Variants in DLGAP1 observed in about 807,000 individuals in gnomAD.
The protein encoded by DLGAP1 is DLG associated protein 1.
A neutral mutation model predicts 90.8 loss-of-function variants in DLGAP1; 11 were observed. The ratio of observed to expected loss-of-function variants is 0.12; its 90% CI spans 0.08 to 0.20. The LOEUF is 0.20. DLGAP1 is among the 10% of genes least tolerant of loss of function. The pLI is 1.00. For synonymous variants in DLGAP1, 558 were observed against 540.7 expected (o/e 1.03, Z -0.44); for missense variants, 1,050 against 1,333.8 (o/e 0.79, Z 3.31).
chr18:3,564,642 G>C (rs943840913), intron 9 of DLGAP1, among the ~76,000 whole-genome samples: 2 of 152,154 alleles, frequency 1.3e-5, no homozygotes, highest in Non-Finnish European at 2.9e-5. Flanking sequence ...ACAAAAGTGT[G>C]AGCTCTCCCT....
chr18:4,300,506 TA>T (rs945149441), intron 1 of DLGAP1, among the ~76,000 whole-genome samples: 1 of 152,116 alleles, frequency 6.6e-6, no homozygotes, highest in Non-Finnish European at 1.5e-5. Flanking sequence ...ATTTTACAAT[TA>T]AAAAAACTCT....
chr18:4,038,833 G>A lies in DLGAP1; in HGVS notation c.-158-33632C>T, dbSNP rs577806883. 3.3e-5 allele frequency among the ~76,000 whole-genome samples: 5 copies of A among 152,216 alleles called. No homozygotes were observed. In the East Asian group the frequency reaches 7.7e-4, roughly 24 times the overall value. On this transcript the variant is annotated intron_variant, in intron 2 of 12. Coordinates refer to ENST00000315677, the MANE Select transcript of DLGAP1 (RefSeq NM_004746.4). ...GGAGTTCTGCAGAGTGGCTGTATGC[G>A]TTTCCTCTGGCTGTGGTACTGCAAA...
At chr18:4,282,018 T>C (rs771948725) in intron 1 of DLGAP1, among the ~76,000 whole-genome samples, 1 of 152,222 alleles carries the variant, frequency 6.6e-6, no homozygotes, top group African/African-American at 2.4e-5. Context: ...TAATAATCAA[T>C]GTGATCAATA....
At chr18:3,668,928 G>A (rs2059978571) in intron 7 of DLGAP1, among the ~76,000 whole-genome samples, 2 of 152,092 alleles carry the variant, frequency 1.3e-5, no homozygotes, top group African/African-American at 2.4e-5. Flanking sequence ...AGCTTGCAAT[G>A]AGCCGAGATC....
intron 1 of DLGAP1, among the ~76,000 whole-genome samples, chr18:4,357,157 C>CTTTTTTTTTTTTTTTTTTTTTTTTT (rs554248097): frequency 9.2e-6 from 1 of 108,744 alleles, no homozygotes; most frequent in Non-Finnish European, 1.7e-5. Context: ...TGTTTTTTTC[C>CTTTTTTTTTTTTTTTTTTTTTTTTT]TTTTTTTTTT....
At chr18:3,854,967 G>C (rs2069548321) in intron 4 of DLGAP1, among the ~76,000 whole-genome samples, 1 of 152,154 alleles carries the variant, frequency 6.6e-6, no homozygotes, top group African/African-American at 2.4e-5. Context: ...TGTCAGATGA[G>C]ATGCTCAAAG....
At chr18:4,010,932 T>C (rs376015443) in intron 2 of DLGAP1, among the ~76,000 whole-genome samples, 2 of 151,744 alleles carry the variant, frequency 1.3e-5, no homozygotes, top group East Asian at 1.9e-4. Context: ...TCCCAGCACT[T>C]TGGGAGGCCG....
intron 1 of DLGAP1, among the ~76,000 whole-genome samples, chr18:4,411,055 T>G (rs2082766665): frequency 6.6e-6 from 1 of 152,196 alleles, no homozygotes; most frequent in Non-Finnish European, 1.5e-5. Flanking sequence ...ACCTCACGGG[T>G]TTGGCTGAGG....
chr18:3,989,390 G>C (rs1453843283), intron 3 of DLGAP1, among the ~76,000 whole-genome samples: 1 of 152,192 alleles, frequency 6.6e-6, no homozygotes, highest in Non-Finnish European at 1.5e-5. Flanking sequence ...GGCAGGCTCA[G>C]GAGGCTGTGT....
chr18:3,639,051 G>A (rs1189337843), intron 7 of DLGAP1, among the ~76,000 whole-genome samples: 1 of 151,970 alleles, frequency 6.6e-6, no homozygotes, highest in Non-Finnish European at 1.5e-5. Context: ...TTTTACCCTC[G>A]TCGGTTTTGA....
chr18:3,849,908 A>C (rs923325967), intron 4 of DLGAP1, among the ~76,000 whole-genome samples: 5 of 152,212 alleles, frequency 3.3e-5, no homozygotes. Context: ...TGCGATTAGC[A>C]AAACACTTGA....
intron 4 of DLGAP1, among the ~76,000 whole-genome samples, chr18:3,857,643 T>C (rs2069732905): frequency 6.6e-6 from 1 of 152,150 alleles, no homozygotes; most frequent in Admixed American, 6.5e-5. Context: ...TCCCACACTT[T>C]TCTGGCCTAT....
At chr18:4,406,328 G>C (rs750582797) in intron 1 of DLGAP1, among the ~76,000 whole-genome samples, 8 of 152,184 alleles carry the variant, frequency 5.3e-5, no homozygotes, top group Non-Finnish European at 1.2e-4. Flanking sequence ...CTTGAGCATG[G>C]AAACTTGGGG....
chr18:4,060,716 G>A (rs2075286503), intron 2 of DLGAP1, among the ~76,000 whole-genome samples: 1 of 152,102 alleles, frequency 6.6e-6, no homozygotes, highest in Admixed American at 6.6e-5. Context: ...AGGTAAATAA[G>A]TATTTCTCGT....
Position 3,512,753 on chromosome 18 carries a change from G to A in DLGAP1, c.2480-4092C>T, listed in dbSNP as rs141418825. Among the ~76,000 whole-genome samples, 268 of 152,228 alleles carry A rather than the reference G, an allele frequency of 1.8e-3. 7 individuals are homozygous for A. Among genetic ancestry groups the A allele is most frequent in the East Asian group, 0.016 (84 of 5,188 alleles). On this transcript the variant is annotated intron_variant, in intron 10 of 12. Coordinates refer to ENST00000315677, the MANE Select transcript of DLGAP1 (RefSeq NM_004746.4). ...CGGACATCTGCTGTGGCCAATCCCC[G>A]TCTTCTGACCCCAGTCTATTTGGGC... is the stretch of plus-strand genomic sequence containing the variant.
chr18:3,929,407 T>C (rs2072466573), intron 3 of DLGAP1, among the ~76,000 whole-genome samples: 1 of 152,246 alleles, frequency 6.6e-6, no homozygotes, highest in Admixed American at 6.5e-5. Flanking sequence ...GTTAGGTCAC[T>C]GTCTCTGTAG....
chr18:4,302,720 T>A (rs1016614723), intron 1 of DLGAP1, among the ~76,000 whole-genome samples: 1 of 152,162 alleles, frequency 6.6e-6, no homozygotes, highest in African/African-American at 2.4e-5. Flanking sequence ...TGGTTCCATA[T>A]GAGTTTTAGA....
chr18:4,180,488 T>C (rs2144654834), intron 1 of DLGAP1, among the ~76,000 whole-genome samples: 1 of 152,330 alleles, frequency 6.6e-6, no homozygotes, highest in South Asian at 2.1e-4. Flanking sequence ...TTAGAGCCAA[T>C]ACCATCATCA....
chr18:3,982,779 C>T (rs1319357521), intron 3 of DLGAP1, among the ~76,000 whole-genome samples: 1 of 152,076 alleles, frequency 6.6e-6, no homozygotes, highest in Non-Finnish European at 1.5e-5. Flanking sequence ...CACCGTGAGT[C>T]GCAGACTTAG....
Sources: allele counts gnomAD v4.1 joint callset (sites outside exome capture counted in the v4.1 genomes callset), GRCh38; gene constraint gnomAD v4.1.1; transcripts MANE v1.5; gene names NCBI Gene and HGNC (gene_info 2026-07-23, HGNC 2026-07-21).